Variants in GSTA5 observed in about 807,000 individuals in gnomAD.
GSTA5 encodes glutathione S-transferase A5.
In GSTA5, 25 loss-of-function variants were observed where a neutral mutation model predicts 21.8. The observed-to-expected ratio is 1.14, with a 90% confidence interval of 0.83 to 1.60. The LOEUF is 1.60. Ranked by LOEUF, GSTA5 falls within the 40% of genes most tolerant of loss-of-function variation. The pLI, the probability that GSTA5 is intolerant of heterozygous loss-of-function variation, is 0.00. For synonymous variants in GSTA5, 102 were observed against 89.5 expected (o/e 1.14, Z -0.78); for missense variants, 330 against 259.2 (o/e 1.27, Z -1.88).
At chr6:52,837,856 T>C (rs540460010) in intron 1 of GSTA5, among the ~76,000 whole-genome samples, 110 of 152,334 alleles carry the variant, frequency 7.2e-4, no homozygotes, top group African/African-American at 2.4e-3. Context: ...TGAATGTCTA[T>C]GATTAGGTCA....
upstream of GSTA5, among the ~76,000 whole-genome samples, chr6:52,844,939 A>T (rs1265905030): frequency 6.6e-6 from 1 of 152,054 alleles, no homozygotes; most frequent in Admixed American, 6.6e-5. Context: ...CTACCCATCC[A>T]AGTATGTATT....
chr6:52,839,625 C>T (rs1447478466), intron 1 of GSTA5, among the ~76,000 whole-genome samples: 2 of 152,166 alleles, frequency 1.3e-5, no homozygotes, highest in South Asian at 2.1e-4. Context: ...CACCTGAAAC[C>T]CCCCTTTTCT....
At chr6:52,843,894 C>G (rs1489094164), upstream of GSTA5, among the ~76,000 whole-genome samples, 4 of 152,194 alleles carry the variant, frequency 2.6e-5, no homozygotes, top group Non-Finnish European at 5.9e-5. Flanking sequence ...TATCACAACA[C>G]TCCTGCTGAT....
At chr6:52,840,968 TG>T, upstream of GSTA5, 1 of 646,464 alleles carries the variant, frequency 1.5e-6, no homozygotes, top group Non-Finnish European at 2.6e-6. Context: ...AAGGAGTTCC[TG>T]GAATGTTTTC....
intron 2 of GSTA5, among the ~76,000 whole-genome samples, chr6:52,837,069 C>T (rs1376867799): frequency 6.6e-6 from 1 of 152,126 alleles, no homozygotes; most frequent in African/African-American, 2.4e-5. Context: ...ACATCTAAGG[C>T]AGGTTCTGAG....
intron 4 of GSTA5, among the ~76,000 whole-genome samples, chr6:52,833,573 A>T (rs1304804400): frequency 6.6e-6 from 1 of 152,112 alleles, no homozygotes. Flanking sequence ...CTCTGTTATA[A>T]TTTGCAAGCT....
upstream of GSTA5, among the ~76,000 whole-genome samples, chr6:52,843,262 T>A (rs943769492): frequency 9.9e-5 from 15 of 152,244 alleles, no homozygotes; most frequent in Non-Finnish European, 2.1e-4. Context: ...TTTGGGTATA[T>A]ACCCAGTAAT....
chr6:52,839,966 T>TAGTA (rs1764348927), intron 1 of GSTA5, among the ~76,000 whole-genome samples: 1 of 152,224 alleles, frequency 6.6e-6, no homozygotes, highest in Non-Finnish European at 1.5e-5. Flanking sequence ...ACTGTCTATC[T>TAGTA]CCATGACCTA....
upstream of GSTA5, among the ~76,000 whole-genome samples, chr6:52,841,923 C>A (rs1764382042): frequency 6.6e-6 from 1 of 151,836 alleles, no homozygotes; most frequent in South Asian, 2.1e-4. Context: ...TTGTGAAACC[C>A]CAGTACTTTT....
chr6:52,839,531 A>G (rs1045511370), intron 1 of GSTA5, among the ~76,000 whole-genome samples: 1 of 152,200 alleles, frequency 6.6e-6, no homozygotes, highest in Admixed American at 6.5e-5. Context: ...AGCAACGCAC[A>G]AAGTACCGTT....
upstream of GSTA5, among the ~76,000 whole-genome samples, chr6:52,842,358 G>T (rs1312985254): frequency 6.7e-6 from 1 of 149,570 alleles, no homozygotes; most frequent in Admixed American, 6.6e-5. Flanking sequence ...TTTTGTGGTT[G>T]TTGAGTTTAG....
chr6:52,834,629 T>C (rs182035491), intron 3 of GSTA5, among the ~76,000 whole-genome samples: 87 of 152,248 alleles, frequency 5.7e-4, no homozygotes, highest in Middle Eastern at 3.4e-3. Flanking sequence ...TGTGCCAGGA[T>C]TTATCATCTC....
chr6:52,837,011 T>A (rs189610789), intron 2 of GSTA5, among the ~76,000 whole-genome samples: 4 of 152,314 alleles, frequency 2.6e-5, no homozygotes, highest in Admixed American at 6.5e-5. Context: ...TGGCAACAGG[T>A]GCCATTTAAA....
chr6:52,837,673 A>G lies in GSTA5; in HGVS notation c.88-64T>C, dbSNP rs181827712. Reference sequence around the variant, plus strand: ...TTCTATTATAGACTTGTGATGTTGAATGGCCCCTATCTGGTGCATGATTTG... The same window carrying G: ...TTCTATTATAGACTTGTGATGTTGAGTGGCCCCTATCTGGTGCATGATTTG... On this transcript the variant is annotated intron_variant, in intron 1 of 5. Coordinates refer to ENST00000370989, the Ensembl canonical transcript of GSTA5. 2.6e-6 allele frequency: 3 copies of G among 1,139,370 alleles called. No individual in the cohort carries two copies. In the Admixed American group the frequency reaches 5.3e-5, roughly 20 times the overall value. The allele number at this position is 1,139,370 out of a possible 1,614,324, so 70.6% of individuals were successfully genotyped here.
intron 3 of GSTA5, 124 bp downstream of exon 3, chr6:52,836,112 G>T: frequency 2.0e-6 from 2 of 1,019,290 alleles, no homozygotes; most frequent in Non-Finnish European, 1.5e-6. Context: ...CTGGACCTCA[G>T]CGTGCATCCT....
chr6:52,845,486 G>A (rs1322372554), upstream of GSTA5, among the ~76,000 whole-genome samples: 1 of 152,166 alleles, frequency 6.6e-6, no homozygotes. Flanking sequence ...AACAGTCAGA[G>A]CCTCTTTCTT....
intron 1 of GSTA5, among the ~76,000 whole-genome samples, chr6:52,839,321 C>A (rs564487272): frequency 6.6e-6 from 1 of 152,106 alleles, no homozygotes; most frequent in Non-Finnish European, 1.5e-5. Context: ...AGCCTTGCCC[C>A]TCCCTCCCTC....
chr6:52,837,453 G>T, intron 2 of GSTA5, 105 bp downstream of exon 2: 2 of 690,492 alleles, frequency 2.9e-6, no homozygotes, highest in East Asian at 5.6e-5. Flanking sequence ...TCTCCACCGT[G>T]ACTAAATATC....
chr6:52,843,491 C>T (rs976530000), upstream of GSTA5, among the ~76,000 whole-genome samples: 2 of 152,198 alleles, frequency 1.3e-5, no homozygotes, highest in African/African-American at 4.8e-5. Context: ...TTGCATTTCT[C>T]TAATGACCAG....
Sources: gnomAD v4.1 joint callset for allele counts (sites outside exome capture counted in the v4.1 genomes callset) on GRCh38, gnomAD v4.1.1 for gene constraint, MANE v1.5 for transcripts, NCBI Gene and HGNC (gene_info 2026-07-23, HGNC 2026-07-21) for gene names.